DGKG: variants seen among roughly 807,000 people sequenced by gnomAD.
The protein encoded by DGKG is DAG kinase gamma.
Under a neutral mutation model 105.3 loss-of-function variants are expected in DGKG, and 78 were observed. The ratio of observed to expected loss-of-function variants is 0.74; its 90% CI spans 0.62 to 0.89. DGKG has a LOEUF of 0.89. DGKG is among the 40% of genes least tolerant of loss of function. The pLI, the probability that DGKG is intolerant of heterozygous loss-of-function variation, is 0.00. For missense variants in DGKG, 958 were observed against 1,020.1 expected, an observed-to-expected ratio of 0.94 and a Z score of 0.83; for synonymous variants, 346 against 367.1, an observed-to-expected ratio of 0.94 and a Z score of 0.66.
chr3:186,319,420 C>T (rs1197647471), intron 2 of DGKG, among the ~76,000 whole-genome samples: 1 of 152,174 alleles, frequency 6.6e-6, no homozygotes, highest in African/African-American at 2.4e-5. Context: ...TAGACCAGCG[C>T]TGGGGACAAG....
At chr3:186,153,240 G>A (rs1715856934) in intron 24 of DGKG, among the ~76,000 whole-genome samples, 1 of 152,084 alleles carries the variant, frequency 6.6e-6, no homozygotes, top group South Asian at 2.1e-4. Flanking sequence ...TCCAGTCAAA[G>A]AGATATCAGT....
intron 12 of DGKG, among the ~76,000 whole-genome samples, chr3:186,268,162 T>C (rs1438533254): frequency 6.6e-6 from 1 of 152,174 alleles, no homozygotes; most frequent in Non-Finnish European, 1.5e-5. Flanking sequence ...AGAGTAAACC[T>C]TGTGATTCAA....
intron 22 of DGKG, among the ~76,000 whole-genome samples, chr3:186,182,821 T>C (rs1189043542): frequency 1.3e-5 from 2 of 152,136 alleles, no homozygotes; most frequent in African/African-American, 4.8e-5. Context: ...CCAACAAACG[T>C]TTCTGTAGAA....
chr3:186,159,499 T>C lies in DGKG; in HGVS notation c.2277+2104A>G, dbSNP rs186658899. On this transcript the variant is annotated intron_variant, in intron 24 of 24. Coordinates refer to ENST00000265022, the MANE Select transcript of DGKG (RefSeq NM_001346.3). ...ATATGTCTTCTCTTTCAAAGAATGA[T>C]TTTTTGCCATTTGCATTTATTGCAT... is the stretch of plus-strand genomic sequence containing the variant. The C allele has an allele frequency of 2.1e-3, 313 of 152,314 alleles. 1 individual carries two copies. Among genetic ancestry groups the C allele is most frequent in the African/African-American group, 7.2e-3 (301 of 41,566 alleles). 9.4% of individuals were successfully genotyped at this position (152,314 alleles called of 1,614,324 possible).
chr3:186,218,543 A>G (rs1336125671), intron 20 of DGKG, among the ~76,000 whole-genome samples: 2 of 149,898 alleles, frequency 1.3e-5, no homozygotes, highest in African/African-American at 4.9e-5. Context: ...ACTCGGACCA[A>G]CTGCTTTCCA....
chr3:186,324,572 A>T (rs901545054), intron 1 of DGKG, among the ~76,000 whole-genome samples: 8 of 152,060 alleles, frequency 5.3e-5, no homozygotes, highest in African/African-American at 1.9e-4. Context: ...GGGCACAAAC[A>T]CACTCTTCTC....
At chr3:186,332,226 A>G (rs1725637894) in intron 1 of DGKG, among the ~76,000 whole-genome samples, 1 of 152,240 alleles carries the variant, frequency 6.6e-6, no homozygotes, top group East Asian at 1.9e-4. Flanking sequence ...TATATTAAAC[A>G]TGAGCACAGA....
At chr3:186,228,261 G>C (rs1354249443) in intron 20 of DGKG, among the ~76,000 whole-genome samples, 1 of 152,172 alleles carries the variant, frequency 6.6e-6, no homozygotes, top group Non-Finnish European at 1.5e-5. Context: ...GGGCAGCAGA[G>C]TTGGCTCCTT....
At chr3:186,311,587 G>A (rs988117174) in intron 2 of DGKG, among the ~76,000 whole-genome samples, 1 of 152,176 alleles carries the variant, frequency 6.6e-6, no homozygotes, top group Non-Finnish European at 1.5e-5. Flanking sequence ...TACTTTATGT[G>A]CCAAGAACTC....
intron 17 of DGKG, among the ~76,000 whole-genome samples, chr3:186,255,480 G>A (rs1325855393): frequency 6.6e-6 from 1 of 152,214 alleles, no homozygotes. Flanking sequence ...GATCTGGAGT[G>A]GAAGCTGACT....
intron 22 of DGKG, among the ~76,000 whole-genome samples, chr3:186,183,585 T>C (rs901598907): frequency 1.3e-5 from 2 of 152,182 alleles, no homozygotes. Context: ...CCTTGGAATC[T>C]GAAAGGTCTA....
intron 2 of DGKG, among the ~76,000 whole-genome samples, chr3:186,318,808 A>G (rs1324311164): frequency 1.4e-4 from 22 of 152,202 alleles, no homozygotes; most frequent in Admixed American, 1.4e-3. Flanking sequence ...TTGAGACTAT[A>G]AGGCTTAGAG....
chr3:186,249,320 C>G (rs760889421), intron 19 of DGKG, among the ~76,000 whole-genome samples: 1 of 152,142 alleles, frequency 6.6e-6, no homozygotes, highest in Non-Finnish European at 1.5e-5. Context: ...GCAATGCTTC[C>G]CTCTTCTGCT....
In DGKG at chr3:186,150,255, C is replaced by T. The variant is rs75255218; in HGVS notation, c.2278-67G>A. 1.5e-4 allele frequency: 235 copies of T among 1,535,426 alleles called. 1 individual carries two copies. In the African/African-American group the frequency reaches 2.7e-3, roughly 18 times the overall value. On this transcript the variant is annotated intron_variant, in intron 24 of 24. Coordinates refer to ENST00000265022, the MANE Select transcript of DGKG (RefSeq NM_001346.3). ...CTCAGTAGCCTAAGGGAGAGTGAGTCGCAGAGAAAGGAAAGGCCAGCTTCA... is the reference window on the plus strand; with the variant it reads ...CTCAGTAGCCTAAGGGAGAGTGAGTTGCAGAGAAAGGAAAGGCCAGCTTCA...
At chr3:186,199,915 T>C (rs1718366499) in intron 21 of DGKG, among the ~76,000 whole-genome samples, 1 of 152,210 alleles carries the variant, frequency 6.6e-6, no homozygotes, top group Admixed American at 6.5e-5. Context: ...CTCATGAACC[T>C]GCGGGTTTCA....
At chr3:186,219,838 C>T (rs1235126903) in intron 20 of DGKG, among the ~76,000 whole-genome samples, 1 of 152,168 alleles carries the variant, frequency 6.6e-6, no homozygotes, top group Non-Finnish European at 1.5e-5. Flanking sequence ...GAAGACACTT[C>T]TTGAGTCATT....
chr3:186,215,888 T>C (rs575920780), intron 20 of DGKG, among the ~76,000 whole-genome samples: 1 of 152,088 alleles, frequency 6.6e-6, no homozygotes, highest in African/African-American at 2.4e-5. Flanking sequence ...CATTCATCCA[T>C]CCATCCATCC....
chr3:186,255,816 G>A (rs1468946), intron 17 of DGKG, among the ~76,000 whole-genome samples: 60,724 of 152,006 alleles, frequency 0.4, 14,614 homozygotes, highest in East Asian at 0.66. Context: ...GACCATGGGG[G>A]GGCGCTGCAG....
rs11917788 is a variant in DGKG at position 186,336,660 on chromosome 3, G to C, written c.-248-15953C>G. 5.3e-3 allele frequency among the ~76,000 whole-genome samples: 807 copies of C among 152,178 alleles called. 5 individuals are homozygous for C. The highest frequency in any genetic ancestry group is 0.027 in the South Asian group (128 of 4,820). On this transcript the variant is annotated intron_variant, in intron 1 of 24. Coordinates refer to ENST00000265022, the MANE Select transcript of DGKG (RefSeq NM_001346.3). ...AAAAACTGGACAGTTTTGGTTAAAAGCAAAAGTCCTTTTGGTTGTTAATAT... is the reference window on the plus strand; with the variant it reads ...AAAAACTGGACAGTTTTGGTTAAAACCAAAAGTCCTTTTGGTTGTTAATAT...
Sources: allele counts gnomAD v4.1 joint callset (sites outside exome capture counted in the v4.1 genomes callset), GRCh38; gene constraint gnomAD v4.1.1; transcripts MANE v1.5; gene names NCBI Gene and HGNC (gene_info 2026-07-23, HGNC 2026-07-21).